Variants in CSMD3 observed in about 807,000 individuals in gnomAD.
CSMD3 encodes CUB and Sushi multiple domains 3, also known as CUB and sushi domain-containing protein 3.
A neutral mutation model predicts 435.2 loss-of-function variants in CSMD3; 177 were observed. The observed-to-expected ratio is 0.41, with a 90% CI of 0.36 to 0.46. The LOEUF is 0.46. Ranked by LOEUF, CSMD3 falls within the 20% of genes least tolerant of loss-of-function variation. The pLI is 0.34. For synonymous variants in CSMD3, 1,656 were observed against 1,520.5 expected (o/e 1.09, Z -2.07); for missense variants, 4,265 against 4,504.6 (o/e 0.95, Z 1.52).
chr8:113,235,660 T>C (rs1046288536), intron 3 of CSMD3, among the ~76,000 whole-genome samples: 1 of 151,976 alleles, frequency 6.6e-6, no homozygotes, highest in African/African-American at 2.4e-5. Flanking sequence ...TATGTGTGAG[T>C]GTGGTTCCAG....
At chr8:113,174,404 A>AT (rs2092316795) in intron 3 of CSMD3, among the ~76,000 whole-genome samples, 1 of 152,100 alleles carries the variant, frequency 6.6e-6, no homozygotes, top group South Asian at 2.1e-4. Context: ...TAAATGGACA[A>AT]TTTTTAAAGT....
At chr8:112,789,639 A>G (rs1387678152) in intron 13 of CSMD3, among the ~76,000 whole-genome samples, 1 of 151,868 alleles carries the variant, frequency 6.6e-6, no homozygotes, top group African/African-American at 2.4e-5. Flanking sequence ...TTCCTAAGAA[A>G]CTAGAAATTT....
chr8:113,270,767 T>C (rs528943141), intron 3 of CSMD3, among the ~76,000 whole-genome samples: 2 of 151,788 alleles, frequency 1.3e-5, no homozygotes, highest in South Asian at 2.1e-4. Context: ...TAGGTGGGAA[T>C]TGAACAATGA....
intron 22 of CSMD3, among the ~76,000 whole-genome samples, chr8:112,610,272 C>T (rs191432578): frequency 3.6e-3 from 543 of 151,678 alleles, no homozygotes; most frequent in South Asian, 0.028. Context: ...TAAAACATTA[C>T]GTTGTATATC....
At chr8:112,611,771 G>A (rs896416405) in intron 22 of CSMD3, among the ~76,000 whole-genome samples, 3 of 151,970 alleles carry the variant, frequency 2.0e-5, no homozygotes, top group Admixed American at 6.6e-5. Flanking sequence ...TTTGTCTACT[G>A]GACTGCAAGT....
At chr8:113,411,135 A>T (rs2094558183) in intron 1 of CSMD3, among the ~76,000 whole-genome samples, 1 of 152,046 alleles carries the variant, frequency 6.6e-6, no homozygotes, top group African/African-American at 2.4e-5. Flanking sequence ...TATTTGTCAA[A>T]TAGCCTCTCA....
chr8:112,363,656 C>T (rs1827477200), intron 38 of CSMD3, among the ~76,000 whole-genome samples: 2 of 151,884 alleles, frequency 1.3e-5, no homozygotes, highest in Admixed American at 1.3e-4. Flanking sequence ...TAGGCTAAAA[C>T]TATCTCTACG....
At chr8:113,031,040 T>C (rs1472283938) in intron 5 of CSMD3, among the ~76,000 whole-genome samples, 1 of 151,656 alleles carries the variant, frequency 6.6e-6, no homozygotes, top group East Asian at 1.9e-4. Context: ...CATATAATGC[T>C]AGCATGAATG....
intron 20 of CSMD3, among the ~76,000 whole-genome samples, chr8:112,640,305 C>T (rs576248820): frequency 6.6e-6 from 1 of 152,090 alleles, no homozygotes; most frequent in East Asian, 1.9e-4. Flanking sequence ...TGTACCTCAC[C>T]TAAAAAATTA....
chr8:112,901,194 C>T (rs2082100730), intron 10 of CSMD3, among the ~76,000 whole-genome samples: 1 of 151,224 alleles, frequency 6.6e-6, no homozygotes, highest in African/African-American at 2.4e-5. Flanking sequence ...ATATGAGGGG[C>T]AGTGAGATTA....
At chr8:112,883,435 A>G (rs2081503390) in intron 10 of CSMD3, among the ~76,000 whole-genome samples, 1 of 152,036 alleles carries the variant, frequency 6.6e-6, no homozygotes, top group Non-Finnish European at 1.5e-5. Context: ...GATGGCAGTG[A>G]ACCATTTCAG....
At chr8:112,840,492 T>C (rs1210629363) in intron 11 of CSMD3, among the ~76,000 whole-genome samples, 1 of 151,690 alleles carries the variant, frequency 6.6e-6, no homozygotes, top group Non-Finnish European at 1.5e-5. Context: ...TGAGTGACCA[T>C]AGTAATAACA....
intron 9 of CSMD3, among the ~76,000 whole-genome samples, chr8:112,925,078 G>C (rs1019658327): frequency 1.3e-5 from 2 of 151,774 alleles, no homozygotes; most frequent in Non-Finnish European, 2.9e-5. Flanking sequence ...ATTTATTTTT[G>C]TCCATTTATA....
intron 32 of CSMD3, among the ~76,000 whole-genome samples, chr8:112,440,539 G>A (rs182977191): frequency 1.9e-3 from 296 of 152,202 alleles, no homozygotes; most frequent in Non-Finnish European, 3.2e-3. Flanking sequence ...ACTCTGTGTC[G>A]GTGCTCAGAT....
At chr8:112,847,759 CA>C (rs2080367226) in intron 11 of CSMD3, among the ~76,000 whole-genome samples, 1 of 152,020 alleles carries the variant, frequency 6.6e-6, no homozygotes, top group Non-Finnish European at 1.5e-5. Flanking sequence ...AATGAAGTGG[CA>C]AAAGGCTATC....
intron 13 of CSMD3, among the ~76,000 whole-genome samples, chr8:112,693,241 G>A (rs1198852485): frequency 1.3e-5 from 2 of 152,038 alleles, no homozygotes; most frequent in East Asian, 1.9e-4. Flanking sequence ...GTACAGAAAA[G>A]GAAAAGATTA....
At chr8:112,707,578 G>C (rs997388543) in intron 13 of CSMD3, among the ~76,000 whole-genome samples, 1 of 151,968 alleles carries the variant, frequency 6.6e-6, no homozygotes, top group Non-Finnish European at 1.5e-5. Flanking sequence ...TTGGTGATGG[G>C]TATAAAAACA....
intron 39 of CSMD3, 115 bp from the exon 40 acceptor site, chr8:112,351,359 C>A: frequency 2.9e-6 from 2 of 680,428 alleles, no homozygotes; most frequent in Non-Finnish European, 2.6e-6. Context: ...TATTTTTATA[C>A]ACATATTTAC....
chr8:112,393,560 A>ACTCTG (rs1337806867), intron 35 of CSMD3, among the ~76,000 whole-genome samples: 2 of 151,976 alleles, frequency 1.3e-5, no homozygotes, highest in Non-Finnish European at 1.5e-5. Flanking sequence ...TTTGCCTGAA[A>ACTCTG]CTCTGTTTAT....
Sources: gnomAD v4.1 joint callset for allele counts (sites outside exome capture counted in the v4.1 genomes callset) on GRCh38, gnomAD v4.1.1 for gene constraint, MANE v1.5 for transcripts, NCBI Gene and HGNC (gene_info 2026-07-23, HGNC 2026-07-21) for gene names.